LEP: variants seen among roughly 807,000 people sequenced by gnomAD.
LEP encodes leptin (murine obesity homolog).
LEP carries 6 observed loss-of-function variants against 9.8 expected under a neutral mutation model. The observed-to-expected ratio is 0.61, with a 90% confidence interval of 0.34 to 1.21. The LOEUF (loss-of-function observed/expected upper bound fraction) is 1.21. Among genes scored for constraint, LEP ranks in the 50% most tolerant of loss-of-function variants. LEP has a pLI of 0.04. For synonymous variants in LEP, 112 were observed against 81.7 expected, an observed-to-expected ratio of 1.37 and a Z score of -2.00; for missense variants, 134 against 198.1, an observed-to-expected ratio of 0.68 and a Z score of 1.94.
rs918546581 is a variant in LEP, at chr7:128,257,554, C to T, written c.*2791C>T. 10 of 136,166 alleles carry T rather than the reference C, an allele frequency of 7.3e-5. No individual in the cohort carries two copies. Among genetic ancestry groups the T allele is most frequent in the South Asian group, 2.4e-4 (1 of 4,206 alleles). 8.4% of individuals were successfully genotyped at this position (136,166 alleles called of 1,614,324 possible). On this transcript the variant is annotated 3_prime_UTR_variant, in exon 3 of 3. Transcript: ENST00000308868. The stretch of plus-strand genomic sequence containing the variant: ...ACTGCACTCCGGCCTGATGACAGAG[C>T]GAGATTCCGTCTTAAAAAAAAAAAA...
Position 128,254,657 on chromosome 7 carries a change from G to T in LEP, c.398G>T (p.Gly133Val), listed in dbSNP as rs759465484. ...SGLETLDSLG[G>V]VLEASGYSTE... ...CTGGAGACCTTGGACAGCCTGGGGGGTGTCCTGGAAGCTTCAGGCTACTCC... is the reference window on the plus strand; with the variant it reads ...CTGGAGACCTTGGACAGCCTGGGGGTTGTCCTGGAAGCTTCAGGCTACTCC... The change falls in exon 3 of 3, where the codon GGT becomes GTT. Residue 133 changes from glycine (G) to valine (V), a missense_variant. By Grantham distance (109) the Gly-to-Val change is moderately radical. Transcript: ENST00000308868. The T allele has an allele frequency of 6.2e-7, 1 of 1,614,132 alleles. No homozygotes were observed. Among genetic ancestry groups the T allele is most frequent in the Admixed American group, 1.7e-5 (1 of 60,034 alleles).
At chr7:128,244,507 C>T (rs1012330147) in intron 1 of LEP, among the ~76,000 whole-genome samples, 6 of 152,058 alleles carry the variant, frequency 3.9e-5, no homozygotes, top group East Asian at 1.9e-4. Context: ...AAAAAAGAGC[C>T]GAGACTCTCA....
At chr7:128,252,290 G>A in intron 2 of LEP, 128 bp downstream of exon 2, 2 of 1,061,130 alleles carry the variant, frequency 1.9e-6, no homozygotes, top group Non-Finnish European at 2.9e-6. Flanking sequence ...CCTACTGGAA[G>A]CTGAGAAGGA....
chr7:128,254,483 T>C lies in LEP; in HGVS notation c.224T>C (p.Met75Thr). Residue 75 changes from methionine to threonine, a missense_variant, in exon 3 of 3, where the codon ATG becomes ACG. Physicochemically the swap from Met to Thr is moderately conservative, Grantham distance 81. Transcript: ENST00000308868. ...GLHPILTLSK[M>T]DQTLAVYQQI... is the part of the protein sequence containing the mutation. ...CACCCCATCCTGACCTTATCCAAGA[T>C]GGACCAGACACTGGCAGTCTACCAA... 1.9e-6 allele frequency: 3 copies of C among 1,613,772 alleles called. No homozygotes were observed. Among genetic ancestry groups the C allele is most frequent in the African/African-American group, 1.3e-5 (1 of 75,054 alleles).
At chr7:128,248,374 G>C (rs1304159161) in intron 1 of LEP, among the ~76,000 whole-genome samples, 1 of 152,134 alleles carries the variant, frequency 6.6e-6, no homozygotes, top group Non-Finnish European at 1.5e-5. Context: ...GGAGGTTGCA[G>C]TGAGCCAAGG....
rs201999428 is a variant in LEP, at chr7:128,257,066, G to A, written c.*2303G>A. The A allele has an allele frequency of 2.6e-5, 4 of 152,234 alleles. No homozygotes were observed. The highest frequency in any genetic ancestry group is 6.5e-5 in the Admixed American group (1 of 15,270). The allele number at this position is 152,234 out of a possible 1,614,324, so 9.4% of individuals were successfully genotyped here. A position where few individuals can be genotyped will look rare whatever the true frequency, so the allele number is the denominator to read the frequency against. The stretch of plus-strand genomic sequence containing the variant: ...AAGGGTAAAGAAGTTTGATATTAAA[G>A]GAGTTAAGAGTAGCAAGTTCTAGAG... On this transcript the variant is annotated 3_prime_UTR_variant, in exon 3 of 3. Transcript: ENST00000308868.
intron 2 of LEP, among the ~76,000 whole-genome samples, chr7:128,253,094 AT>A (rs1795294446): frequency 6.6e-6 from 1 of 151,900 alleles, no homozygotes; most frequent in Non-Finnish European, 1.5e-5. Flanking sequence ...ACTTCCTTGA[AT>A]CTTAGTGCCT....
At chr7:128,252,597 G>A (rs559056692) in intron 2 of LEP, among the ~76,000 whole-genome samples, 1 of 151,484 alleles carries the variant, frequency 6.6e-6, no homozygotes, top group Non-Finnish European at 1.5e-5. Context: ...GCTGGGCATG[G>A]TGGTGTGTAC....
At position 128,254,589 on chromosome 7, in the gene LEP, G is replaced by T; in HGVS notation, c.330G>T (p.Val110=). 1 of 1,614,148 alleles carries T rather than the reference G, an allele frequency of 6.2e-7. No homozygotes were observed. The highest frequency in any genetic ancestry group is 1.3e-5 in the African/African-American group (1 of 75,056). ...AGAACCTCCGGGATCTTCTTCACGTGCTGGCCTTCTCTAAGAGCTGCCACT... is the reference window on the plus strand; with the variant it reads ...AGAACCTCCGGGATCTTCTTCACGTTCTGGCCTTCTCTAAGAGCTGCCACT... ...DLENLRDLLH[V]LAFSKSCHLP... is the part of the protein sequence containing the mutation. Residue 110 remains valine (V), a synonymous_variant, in exon 3 of 3, where the codon GTG becomes GTT. Transcript: ENST00000308868.
chr7:128,254,726 A>T lies in LEP; in HGVS notation c.467A>T (p.Asp156Val). The T allele has an allele frequency of 6.2e-7, 1 of 1,612,888 alleles. No homozygotes were observed. The highest frequency in any genetic ancestry group is 8.5e-7 in the Non-Finnish European group (1 of 1,179,964). ...AGCAGGCTGCAGGGGTCTCTGCAGGACATGCTGTGGCAGCTGGACCTCAGC... is the reference window on the plus strand; with the variant it reads ...AGCAGGCTGCAGGGGTCTCTGCAGGTCATGCTGTGGCAGCTGGACCTCAGC... ...ALSRLQGSLQ[D>V]MLWQLDLSPG... The change falls in exon 3 of 3, where the codon GAC (aspartate) becomes GTC (valine). Residue 156 changes from aspartate (D) to valine (V), a missense_variant. Asp to Val is a radical substitution (Grantham distance 152). Coordinates refer to ENST00000308868, the MANE Select transcript of LEP (RefSeq NM_000230.3).
chr7:128,243,063 G>T (rs1037723273), intron 1 of LEP, among the ~76,000 whole-genome samples: 2 of 152,224 alleles, frequency 1.3e-5, no homozygotes, highest in African/African-American at 4.8e-5. Flanking sequence ...TGGCCAGTCG[G>T]CAGAGAGCCT....
intron 2 of LEP, 132 bp downstream of exon 2, chr7:128,252,294 A>G (rs1795284966): frequency 9.6e-7 from 1 of 1,046,310 alleles, no homozygotes; most frequent in Admixed American, 1.8e-5. Context: ...CTGGAAGCTG[A>G]GAAGGATTTG....
intron 1 of LEP, among the ~76,000 whole-genome samples, chr7:128,243,628 G>A (rs1795176937): frequency 6.6e-6 from 1 of 152,286 alleles, no homozygotes; most frequent in Non-Finnish European, 1.5e-5. Context: ...AGACCTGGAC[G>A]CTGAAGCATT....
intron 1 of LEP, among the ~76,000 whole-genome samples, chr7:128,245,134 A>G (rs1027320778): frequency 6.6e-6 from 1 of 151,946 alleles, no homozygotes; most frequent in Non-Finnish European, 1.5e-5. Flanking sequence ...AGCCCGCAAA[A>G]TTTTAGCTCT....
intron 1 of LEP, among the ~76,000 whole-genome samples, chr7:128,248,001 C>G (rs1173537431): frequency 1.3e-5 from 2 of 152,202 alleles, no homozygotes; most frequent in Non-Finnish European, 2.9e-5. Context: ...TGGCCAGGCG[C>G]AGTGGCTCAG....
At chr7:128,249,818 T>C (rs1795253611) in intron 1 of LEP, among the ~76,000 whole-genome samples, 1 of 152,210 alleles carries the variant, frequency 6.6e-6, no homozygotes, top group Admixed American at 6.5e-5. Context: ...CAGTTCTCTC[T>C]GCAGACCCCC....
At chr7:128,247,996 A>G (rs1473512819) in intron 1 of LEP, among the ~76,000 whole-genome samples, 1 of 152,208 alleles carries the variant, frequency 6.6e-6, no homozygotes, top group African/African-American at 2.4e-5. Flanking sequence ...TTCCTTGGCC[A>G]GGCGCAGTGG....
chr7:128,242,918 G>A (rs549084379), intron 1 of LEP, among the ~76,000 whole-genome samples: 3 of 152,334 alleles, frequency 2.0e-5, no homozygotes, highest in East Asian at 1.9e-4. Context: ...AGGGGCTCCA[G>A]GAAGGTAGAG....
intron 1 of LEP, among the ~76,000 whole-genome samples, chr7:128,247,999 CGCAGTGGCTCAGGCCCAAT>C (rs1425296548): frequency 6.6e-6 from 1 of 152,182 alleles, no homozygotes; most frequent in African/African-American, 2.4e-5. Flanking sequence ...CTTGGCCAGG[CGCAGTGGCTCAGGCCCAAT>C]GCGGTGGCTC....
Sources: gnomAD v4.1 joint callset for allele counts (sites outside exome capture counted in the v4.1 genomes callset) on GRCh38, gnomAD v4.1.1 for gene constraint, MANE v1.5 for transcripts, NCBI Gene and HGNC (gene_info 2026-07-23, HGNC 2026-07-21) for gene names.